The following KCNH7 variants were observed in gnomAD, a reference collection of about 807,000 sequenced individuals.
KCNH7 encodes the protein voltage-gated inwardly rectifying potassium channel KCNH7.
Under a neutral mutation model 120.8 loss-of-function variants are expected in KCNH7, and 49 were observed. The observed-to-expected ratio is 0.41, with a 90% CI of 0.32 to 0.51. The LOEUF is 0.51. Among genes scored for constraint, KCNH7 ranks in the 20% least tolerant of loss-of-function variants. The pLI, the probability that KCNH7 is intolerant of heterozygous loss-of-function variation, is 0.38. For synonymous variants in KCNH7, 547 were observed against 516.1 expected (o/e 1.06, Z -0.81); for missense variants, 1,097 against 1,446.6 (o/e 0.76, Z 3.92).
intron 3 of KCNH7, among the ~76,000 whole-genome samples, chr2:162,519,399 A>G (rs1691438121): frequency 1.3e-5 from 2 of 151,814 alleles, no homozygotes; most frequent in African/African-American, 2.4e-5. Context: ...TGTTCACATA[A>G]TTTTCATCAA....
intron 2 of KCNH7, among the ~76,000 whole-genome samples, chr2:162,788,882 A>G (rs1683812297): frequency 6.6e-6 from 1 of 151,858 alleles, no homozygotes; most frequent in Non-Finnish European, 1.5e-5. Flanking sequence ...TAGCAATAGA[A>G]AAGCAACCTA....
intron 2 of KCNH7, among the ~76,000 whole-genome samples, chr2:162,684,147 T>G (rs577221484): frequency 9.9e-4 from 150 of 152,256 alleles, no homozygotes; most frequent in African/African-American, 3.5e-3. Flanking sequence ...GCTAGCCATA[T>G]GCAGAAAACT....
rs535339592 is a variant in KCNH7 at position 162,394,296 on chromosome 2, A to G, written c.2710+93T>C. On this transcript the variant is annotated intron_variant, in intron 12 of 15. Coordinates refer to ENST00000332142, the MANE Select transcript of KCNH7 (RefSeq NM_033272.4). ...TGCCCTCCTAAAGCCTGAGTAAAAT[A>G]TACTCTTGAAGTCAGAAGTAAAATG... 5.5e-5 allele frequency: 43 copies of G among 775,616 alleles called. No individual in the cohort carries two copies. In the East Asian group the frequency reaches 1.0e-3, roughly 18 times the overall value. 48.0% of individuals were successfully genotyped at this position (775,616 alleles called of 1,614,324 possible).
chr2:162,692,107 G>C (rs977448383), intron 2 of KCNH7, among the ~76,000 whole-genome samples: 3 of 151,102 alleles, frequency 2.0e-5, no homozygotes, highest in Non-Finnish European at 4.4e-5. Context: ...AATTAATGTT[G>C]ATGCAAACAA....
At chr2:162,503,218 C>T (rs1690749062) in intron 6 of KCNH7, among the ~76,000 whole-genome samples, 1 of 151,970 alleles carries the variant, frequency 6.6e-6, no homozygotes, top group Non-Finnish European at 1.5e-5. Flanking sequence ...TCTGTCTCCT[C>T]TTAAGTCTCT....
At chr2:162,745,153 T>A (rs1688272043) in intron 2 of KCNH7, among the ~76,000 whole-genome samples, 1 of 152,190 alleles carries the variant, frequency 6.6e-6, no homozygotes, top group African/African-American at 2.4e-5. Context: ...TTTGTGAACT[T>A]GACTAGTAGA....
At chr2:162,605,038 T>TA (rs1391828970) in intron 2 of KCNH7, among the ~76,000 whole-genome samples, 2 of 152,130 alleles carry the variant, frequency 1.3e-5, no homozygotes, top group African/African-American at 4.8e-5. Flanking sequence ...AAATGAGTCC[T>TA]AAAAATCTCG....
intron 2 of KCNH7, among the ~76,000 whole-genome samples, chr2:162,687,880 A>G (rs1685953003): frequency 6.6e-6 from 1 of 152,178 alleles, no homozygotes; most frequent in African/African-American, 2.4e-5. Flanking sequence ...AATAAAAACT[A>G]TGTGTATGTA....
At chr2:162,657,068 C>T (rs774508133) in intron 2 of KCNH7, among the ~76,000 whole-genome samples, 15 of 152,140 alleles carry the variant, frequency 9.9e-5, no homozygotes, top group South Asian at 2.1e-4. Flanking sequence ...TGGAGCAGAA[C>T]GTACACACAA....
At position 162,422,492 on chromosome 2, in the gene KCNH7, T is replaced by C. The variant is rs79027170; in HGVS notation, c.2154+844A>G. ...AGCCACCATATTTTTATTCTTTTTTTTCTGATGCTCTACGATATGTCATAG... is the reference window on the plus strand; with the variant it reads ...AGCCACCATATTTTTATTCTTTTTTCTCTGATGCTCTACGATATGTCATAG... On this transcript the variant is annotated intron_variant, in intron 9 of 15. Coordinates refer to ENST00000332142, the MANE Select transcript of KCNH7 (RefSeq NM_033272.4). Among the ~76,000 whole-genome samples the C allele has an allele frequency of 3.8e-3, 586 of 152,324 alleles. 21 individuals are homozygous for C. The East Asian group carries it at 0.1, about 26-fold the overall frequency.
chr2:162,763,692 C>A (rs75479124), intron 2 of KCNH7, among the ~76,000 whole-genome samples: 4,957 of 149,104 alleles, frequency 0.033, 312 homozygotes, highest in African/African-American at 0.12. Flanking sequence ...GGGTGGAATA[C>A]CTAGTAGAAA....
intron 2 of KCNH7, among the ~76,000 whole-genome samples, chr2:162,705,346 C>A (rs889286335): frequency 6.6e-6 from 1 of 152,076 alleles, no homozygotes; most frequent in African/African-American, 2.4e-5. Context: ...AAAGTAGCAA[C>A]CTTGTGCAAC....
chr2:162,468,837 G>A (rs1275421095), intron 6 of KCNH7, among the ~76,000 whole-genome samples: 1 of 150,524 alleles, frequency 6.6e-6, no homozygotes, highest in African/African-American at 2.5e-5. Flanking sequence ...GTGAGCCACT[G>A]CACCCAGCCT....
At chr2:162,686,428 G>A (rs1342471045) in intron 2 of KCNH7, among the ~76,000 whole-genome samples, 2 of 152,100 alleles carry the variant, frequency 1.3e-5, no homozygotes, top group African/African-American at 2.4e-5. Context: ...ACTAGCCAGT[G>A]CAAACCATAT....
chr2:162,805,526 C>T (rs1369121239), intron 2 of KCNH7, among the ~76,000 whole-genome samples: 2 of 152,098 alleles, frequency 1.3e-5, no homozygotes, highest in Non-Finnish European at 2.9e-5. Flanking sequence ...ATTAAAACCA[C>T]AATGAGATAC....
chr2:162,624,882 A>G (rs1574186716), intron 2 of KCNH7, among the ~76,000 whole-genome samples: 1 of 128,258 alleles, frequency 7.8e-6, no homozygotes, highest in South Asian at 2.5e-4. Context: ...TTAAACGTGC[A>G]CTCTTGGTTT....
At chr2:162,829,899 T>C (rs1341286992) in intron 2 of KCNH7, among the ~76,000 whole-genome samples, 1 of 151,274 alleles carries the variant, frequency 6.6e-6, no homozygotes, top group Non-Finnish European at 1.5e-5. Flanking sequence ...CTTCTCTTCA[T>C]TCTTTAAGTA....
At chr2:162,372,541 A>G (rs1685993999) in intron 15 of KCNH7, among the ~76,000 whole-genome samples, 1 of 152,136 alleles carries the variant, frequency 6.6e-6, no homozygotes, top group African/African-American at 2.4e-5. Flanking sequence ...AGAACAAAAT[A>G]GATGGTTTTA....
chr2:162,635,677 T>C (rs981969919), intron 2 of KCNH7, among the ~76,000 whole-genome samples: 2 of 152,136 alleles, frequency 1.3e-5, no homozygotes, highest in Non-Finnish European at 2.9e-5. Context: ...TGTTGCCTAA[T>C]GAAAAAGACA....
Sources: allele counts gnomAD v4.1 joint callset (sites outside exome capture counted in the v4.1 genomes callset), GRCh38; gene constraint gnomAD v4.1.1; transcripts MANE v1.5; gene names NCBI Gene and HGNC (gene_info 2026-07-23, HGNC 2026-07-21).